FRMPD3: variants seen among roughly 807,000 people sequenced by gnomAD.
FRMPD3 encodes the protein FERM and PDZ domain containing 3.
A neutral mutation model predicts 97.9 loss-of-function variants in FRMPD3; 42 were observed. The observed-to-expected ratio is 0.43, with a 90% CI of 0.34 to 0.55. The LOEUF (loss-of-function observed/expected upper bound fraction) is 0.55. Ranked by LOEUF, FRMPD3 falls within the 20% of genes least tolerant of loss-of-function variation. FRMPD3 has a pLI of 0.03. For missense variants in FRMPD3, 1,303 were observed against 1,457.7 expected, an observed-to-expected ratio of 0.89 and a Z score of 1.73; for synonymous variants, 577 against 581.1, an observed-to-expected ratio of 0.99 and a Z score of 0.10.
At chrX:107,514,873 G>A (rs996578585) in intron 1 of FRMPD3, among the ~76,000 whole-genome samples, 2 of 110,908 alleles carry the variant, frequency 1.8e-5, no homozygotes, top group African/African-American at 6.6e-5. Flanking sequence ...ACAATACTGA[G>A]GGACTAGGTG....
In FRMPD3 at chrX:107,495,856, A is replaced by G. The variant is rs1921763925; in HGVS notation, c.-7-30726A>G. On this transcript the variant is annotated intron_variant, in intron 1 of 14. Coordinates refer to ENST00000683843, the MANE Select transcript of FRMPD3 (RefSeq NM_001388459.1). ...AATAGAAATGTATTTTTTAAACATT[A>G]TGACATCTGCCTAAAGTTTGGTAAA... 3.6e-5 allele frequency among the ~76,000 whole-genome samples: 4 copies of G among 112,609 alleles called. No homozygotes were observed. In the Admixed American group the frequency reaches 3.8e-4, roughly 11 times the overall value.
intron 1 of FRMPD3, among the ~76,000 whole-genome samples, chrX:107,494,156 A>T (rs1921725180): frequency 8.9e-6 from 1 of 112,254 alleles, no homozygotes; most frequent in East Asian, 2.8e-4. Flanking sequence ...CCTGCTATGC[A>T]TTTATGCATT....
At chrX:107,593,942 G>A (rs1368353467) in intron 13 of FRMPD3, among the ~76,000 whole-genome samples, 8 of 111,490 alleles carry the variant, frequency 7.2e-5, no homozygotes, top group African/African-American at 9.8e-5. Context: ...TGGGAATAGC[G>A]TTGAATTTGC....
chrX:107,475,527 A>G, intron 1 of FRMPD3, among the ~76,000 whole-genome samples: 1 of 112,551 alleles, frequency 8.9e-6, no homozygotes, highest in African/African-American at 3.2e-5. Context: ...GTTGACCAGA[A>G]TATTTGAGGA....
chrX:107,562,808 A>G (rs942746002), intron 10 of FRMPD3, among the ~76,000 whole-genome samples: 4 of 112,237 alleles, frequency 3.6e-5, no homozygotes, highest in African/African-American at 9.7e-5. Context: ...GGAGAGAGGT[A>G]TGGATTAGGT....
chrX:107,516,473 A>C (rs1392191086), intron 1 of FRMPD3, among the ~76,000 whole-genome samples: 6 of 111,455 alleles, frequency 5.4e-5, no homozygotes, highest in African/African-American at 1.6e-4. Flanking sequence ...AATGGTTGAA[A>C]GAGTTTACAG....
chrX:107,567,053 T>G (rs1013546847), intron 12 of FRMPD3, among the ~76,000 whole-genome samples: 1 of 112,485 alleles, frequency 8.9e-6, no homozygotes, highest in African/African-American at 3.2e-5. Flanking sequence ...CCAGCCTTCC[T>G]GTGTGACCTT....
Position 107,560,789 on chromosome X carries a change from A to T in FRMPD3, c.962A>T (p.Asn321Ile). ...PSLLQVIKEK[N>I]LRKSLSQQLK... is the part of the protein sequence containing the mutation. The stretch of plus-strand genomic sequence containing the variant: ...CTCCTGCAGGTCATCAAAGAGAAGA[A>T]CCTCCGGAAATCTCTCTCTCAGCAA... Residue 321 changes from asparagine (N) to isoleucine (I), a missense_variant, in exon 10 of 15, where the codon AAC becomes ATC. Physicochemically the swap from Asn to Ile is moderately radical, Grantham distance 149. Around this residue, in one of 3 missense-constraint regions of FRMPD3, gnomAD observed 535 missense variants for 618.6 expected, o/e 0.86. Transcript: ENST00000683843. 5.1e-6 allele frequency: 6 copies of T among 1,183,646 alleles called. No individual in the cohort carries two copies. Among genetic ancestry groups the T allele is most frequent in the Non-Finnish European group, 6.8e-6 (6 of 881,127 alleles).
At chrX:107,546,432 G>T (rs192132108) in intron 5 of FRMPD3, among the ~76,000 whole-genome samples, 1 of 112,105 alleles carries the variant, frequency 8.9e-6, no homozygotes, top group East Asian at 2.8e-4. Flanking sequence ...GGGGACAAGA[G>T]GTTCAGATTG....
At chrX:107,561,711 T>C (rs1193831958) in intron 10 of FRMPD3, among the ~76,000 whole-genome samples, 1 of 112,619 alleles carries the variant, frequency 8.9e-6, no homozygotes, top group Non-Finnish European at 1.9e-5. Context: ...ATTCCTCCCA[T>C]TCCAGATTTC....
At chrX:107,554,647 A>G in intron 8 of FRMPD3, 143 bp downstream of exon 8, 1 of 795,622 alleles carries the variant, frequency 1.3e-6, no homozygotes, top group South Asian at 2.8e-5. Flanking sequence ...TTCTGCTACC[A>G]TCGTAGGCCA....
intron 1 of FRMPD3, among the ~76,000 whole-genome samples, chrX:107,482,420 G>A (rs762137388): frequency 8.9e-6 from 1 of 112,051 alleles, no homozygotes; most frequent in Admixed American, 9.5e-5. Flanking sequence ...CCTGATCTCA[G>A]TCTGTTACAC....
rs1294625978 is a variant in FRMPD3 at position 107,603,387 on chromosome X, A to G, written c.*14A>G. The G allele has an allele frequency of 8.9e-7, 1 of 1,127,364 alleles. No individual in the cohort carries two copies. Among genetic ancestry groups the G allele is most frequent in the Non-Finnish European group, 1.2e-6 (1 of 852,528 alleles). 92.9% of individuals were successfully genotyped at this position (1,127,364 alleles called of 1,213,427 possible). A position where few individuals can be genotyped will look rare whatever the true frequency, so the allele number is the denominator to read the frequency against. On this transcript the variant is annotated 3_prime_UTR_variant, in exon 15 of 15. Coordinates refer to ENST00000683843, the MANE Select transcript of FRMPD3 (RefSeq NM_001388459.1). Reference sequence around the variant, plus strand: ...CTTATTAAGTAGGGCATCTGCCCACACCTGTCCCCCTTCCCCAACCATGGC... The same window carrying G: ...CTTATTAAGTAGGGCATCTGCCCACGCCTGTCCCCCTTCCCCAACCATGGC...
chrX:107,564,451 G>A (rs1922514443), intron 11 of FRMPD3, among the ~76,000 whole-genome samples: 1 of 112,200 alleles, frequency 8.9e-6, no homozygotes, highest in African/African-American at 3.2e-5. Context: ...GGCTGTTGGT[G>A]GGGGGAGGGT....
chrX:107,492,051 A>G (rs1921671947), intron 1 of FRMPD3, among the ~76,000 whole-genome samples: 1 of 109,230 alleles, frequency 9.2e-6, no homozygotes, highest in Non-Finnish European at 1.9e-5. Context: ...GTCTAATTTC[A>G]GTATCATTTG....
chrX:107,563,529 A>G (rs1202620193), intron 11 of FRMPD3, among the ~76,000 whole-genome samples: 1 of 112,781 alleles, frequency 8.9e-6, no homozygotes, highest in South Asian at 3.6e-4. Flanking sequence ...CCCTGCTGTC[A>G]GATTATGAAA....
chrX:107,515,173 G>A (rs1922276842), intron 1 of FRMPD3, among the ~76,000 whole-genome samples: 1 of 111,210 alleles, frequency 9.0e-6, no homozygotes, highest in South Asian at 3.8e-4. Context: ...TTAAAACCAG[G>A]GGACTGGATG....
At position 107,508,878 on chromosome X, in the gene FRMPD3, G is replaced by A. The variant is rs777592053; in HGVS notation, c.-7-17704G>A. Among the ~76,000 whole-genome samples the A allele has an allele frequency of 8.0e-5, 9 of 112,080 alleles. No homozygotes were observed. The South Asian group carries it at 3.4e-3, about 43-fold the overall frequency. Reference sequence around the variant, plus strand: ...TTTATAATTTTTATTAATTAGACAAGTGTCTGGTCTGCTGGCTTGGAGTTG... The same window carrying A: ...TTTATAATTTTTATTAATTAGACAAATGTCTGGTCTGCTGGCTTGGAGTTG... On this transcript the variant is annotated intron_variant, in intron 1 of 14. Transcript: ENST00000683843.
In FRMPD3 at chrX:107,600,514, C is replaced by T. The variant is rs763848264; in HGVS notation, c.2475C>T (p.Ala825=). The change falls in exon 15 of 15, where the codon GCC becomes GCT. Residue 825 remains alanine (A), a synonymous_variant. Transcript: ENST00000683843. ...GGATCCAGAGCTGTGCAGCCCAGGC[C>T]GTTCTTACGGCCCCTTACTCTCTTG... is the stretch of plus-strand genomic sequence containing the variant. ...PFRIQSCAAQ[A]VLTAPYSLGR... 8.3e-6 allele frequency: 10 copies of T among 1,208,976 alleles called. No individual in the cohort carries two copies. The highest frequency in any genetic ancestry group is 5.3e-5 in the South Asian group (3 of 56,770).
Sources: gnomAD v4.1 joint callset for allele counts (sites outside exome capture counted in the v4.1 genomes callset) on GRCh38, gnomAD v4.1.1 for gene constraint, gnomAD v4.1.1 regional missense constraint, MANE v1.5 for transcripts, NCBI Gene and HGNC (gene_info 2026-07-23, HGNC 2026-07-21) for gene names.